AK7: variants seen among roughly 807,000 people sequenced by gnomAD.
AK7 encodes ATP-AMP transphosphorylase 7.
Under a neutral mutation model 96.6 loss-of-function variants are expected in AK7, and 78 were observed. The observed-to-expected ratio is 0.81, with a 90% confidence interval of 0.67 to 0.97. AK7 has a LOEUF of 0.97. AK7 is among the 50% of genes least tolerant of loss of function. AK7 has a pLI of 0.00. For synonymous variants in AK7, 302 were observed against 317.2 expected (o/e 0.95, Z 0.51); for missense variants, 855 against 887.9 (o/e 0.96, Z 0.47).
chr14:96,413,054 T>C (rs1477812543), intron 4 of AK7, among the ~76,000 whole-genome samples: 1 of 152,146 alleles, frequency 6.6e-6, no homozygotes, highest in African/African-American at 2.4e-5. Flanking sequence ...TGTAAGTCTG[T>C]TTTCCAGTAG....
chr14:96,444,864 C>G (rs1015053665), intron 7 of AK7, among the ~76,000 whole-genome samples: 1 of 152,040 alleles, frequency 6.6e-6, no homozygotes, highest in African/African-American at 2.4e-5. Context: ...ACTACAGGCG[C>G]CGGCCACCAC....
chr14:96,412,572 T>C (rs1281180158), intron 4 of AK7, among the ~76,000 whole-genome samples: 3 of 134,754 alleles, frequency 2.2e-5, no homozygotes, highest in African/African-American at 8.8e-5. Context: ...CTTGCAGTAC[T>C]TTTTTTTTTT....
Position 96,488,319 on chromosome 14 carries a change from C to G in AK7, c.2148C>G (p.Phe716Leu). 1 of 1,612,240 alleles carries G rather than the reference C, an allele frequency of 6.2e-7. No homozygotes were observed. Among genetic ancestry groups the G allele is most frequent in the Middle Eastern group, 1.7e-4 (1 of 6,032 alleles). ...TTAAATTGTAGGCAGAATATCTCTT[C>G]AAGAACAATCCTGAAGCACAGTGAA... The part of the protein sequence containing the change: ...DPVDFLAEYL[F>L]KNNPEAQ Residue 716 changes from phenylalanine (F) to leucine (L), a missense_variant, in exon 18 of 18, where the codon TTC becomes TTG. Physicochemically the swap from Phe to Leu is conservative, Grantham distance 22. Transcript: ENST00000267584.
intron 5 of AK7, among the ~76,000 whole-genome samples, chr14:96,421,770 T>G (rs1891713180): frequency 6.6e-6 from 1 of 152,088 alleles, no homozygotes; most frequent in South Asian, 2.1e-4. Flanking sequence ...CATGCTCGGC[T>G]AATTTTTTGT....
intron 4 of AK7, among the ~76,000 whole-genome samples, 165 bp downstream of exon 4, chr14:96,409,106 C>T (rs1010506311): frequency 6.6e-6 from 1 of 152,162 alleles, no homozygotes; most frequent in Admixed American, 6.5e-5. Flanking sequence ...ACATTCAATT[C>T]TAAGGGATTT....
At chr14:96,450,723 A>G (rs1310673749) in intron 9 of AK7, among the ~76,000 whole-genome samples, 1 of 151,512 alleles carries the variant, frequency 6.6e-6, no homozygotes, top group Non-Finnish European at 1.5e-5. Context: ...CTTGAGGAGC[A>G]GAACTGGGTG....
chr14:96,461,374 G>C (rs987970419), intron 12 of AK7, among the ~76,000 whole-genome samples: 3 of 152,184 alleles, frequency 2.0e-5, no homozygotes, highest in Non-Finnish European at 4.4e-5. Context: ...GAGGACATCT[G>C]TGGAAGGAAA....
chr14:96,449,733 C>G, intron 8 of AK7, 69 bp from the exon 9 acceptor site: 2 of 1,201,912 alleles, frequency 1.7e-6, no homozygotes, highest in South Asian at 2.5e-5. Flanking sequence ...TGCGCCTGGC[C>G]CATTTGAGTT....
chr14:96,429,573 A>C (rs1264547252), intron 5 of AK7, among the ~76,000 whole-genome samples: 1 of 152,118 alleles, frequency 6.6e-6, no homozygotes, highest in Non-Finnish European at 1.5e-5. Flanking sequence ...TTTTCATGAT[A>C]TTGATTCTTC....
Position 96,437,906 on chromosome 14 carries a change from A to G in AK7, c.681A>G (p.Thr227=), listed in dbSNP as rs147444886. Residue 227 remains threonine, a synonymous_variant, in exon 6 of 18, where the codon ACA becomes ACG. Coordinates refer to ENST00000267584, the MANE Select transcript of AK7 (RefSeq NM_152327.5). The part of the protein sequence containing the change: ...QYGAEGGMLH[T]FFKMAWLGEI... ...GAGCGGAAGGAGGCATGTTACACAC[A>G]TTTTTTAAGGTATGGCTTTCAATGA... is the stretch of plus-strand genomic sequence containing the variant. 1 of 1,613,546 alleles carries G rather than the reference A, an allele frequency of 6.2e-7. No individual in the cohort carries two copies.
intron 15 of AK7, among the ~76,000 whole-genome samples, chr14:96,480,501 T>C (rs1895450305): frequency 6.6e-6 from 1 of 152,148 alleles, no homozygotes; most frequent in African/African-American, 2.4e-5. Context: ...CTCAGAGCAG[T>C]GACTGGGTTT....
At chr14:96,478,707 G>A in intron 15 of AK7, 45 bp downstream of exon 15, 1 of 1,588,176 alleles carries the variant, frequency 6.3e-7, no homozygotes. Context: ...AGGACCCCCA[G>A]CAAAGCTTGG....
At chr14:96,415,800 A>G (rs1258126235) in intron 4 of AK7, among the ~76,000 whole-genome samples, 21 of 149,814 alleles carry the variant, frequency 1.4e-4, no homozygotes, top group African/African-American at 4.9e-4. Flanking sequence ...TTAATTAATT[A>G]AATTAATTTA....
chr14:96,444,368 G>A (rs559357792), intron 7 of AK7, among the ~76,000 whole-genome samples: 10 of 152,096 alleles, frequency 6.6e-5, no homozygotes, highest in South Asian at 6.2e-4. Flanking sequence ...AACATATTAC[G>A]TCCAAACATA....
chr14:96,393,023 A>G (rs868784159), intron 1 of AK7, among the ~76,000 whole-genome samples: 2 of 152,122 alleles, frequency 1.3e-5, no homozygotes, highest in African/African-American at 4.8e-5. Flanking sequence ...CATCCCTTCA[A>G]TATATGGTTT....
intron 4 of AK7, among the ~76,000 whole-genome samples, chr14:96,414,702 G>A (rs572783727): frequency 6.7e-6 from 1 of 150,194 alleles, no homozygotes; most frequent in African/African-American, 2.4e-5. Flanking sequence ...CCCTAAAACA[G>A]CCCAAGAAAC....
intron 15 of AK7, among the ~76,000 whole-genome samples, chr14:96,482,540 A>C (rs563783233): frequency 1.3e-5 from 2 of 152,282 alleles, no homozygotes; most frequent in South Asian, 4.1e-4. Flanking sequence ...TTTCCTATTC[A>C]AGTAGACTCA....
chr14:96,485,893 T>C (rs1293134523), intron 16 of AK7, among the ~76,000 whole-genome samples: 2 of 151,818 alleles, frequency 1.3e-5, no homozygotes, highest in African/African-American at 4.8e-5. Flanking sequence ...CCTCCCCGGT[T>C]CACGCCATTC....
chr14:96,469,464 G>A (rs1337858756), intron 12 of AK7, among the ~76,000 whole-genome samples: 4 of 152,114 alleles, frequency 2.6e-5, no homozygotes, highest in Non-Finnish European at 4.4e-5. Context: ...GACAGAGGTT[G>A]CAGTGAGCCA....
Sources: allele counts gnomAD v4.1 joint callset (sites outside exome capture counted in the v4.1 genomes callset), GRCh38; gene constraint gnomAD v4.1.1; transcripts MANE v1.5; gene names NCBI Gene and HGNC (gene_info 2026-07-23, HGNC 2026-07-21).